Variants in ATXN7L1 observed in about 807,000 individuals in gnomAD.
ATXN7L1 encodes the protein ataxin 7 like 1.
ATXN7L1 carries 15 observed loss-of-function variants against 70.8 expected under a neutral mutation model. The observed-to-expected ratio is 0.21, with a 90% CI of 0.14 to 0.33. The LOEUF is 0.33. Ranked by LOEUF, ATXN7L1 falls within the 10% of genes least tolerant of loss-of-function variation. The pLI, the probability that ATXN7L1 is intolerant of heterozygous loss-of-function variation, is 1.00. For synonymous variants in ATXN7L1, 440 were observed against 445.1 expected, an observed-to-expected ratio of 0.99 and a Z score of 0.14; for missense variants, 975 against 1,097.1, an observed-to-expected ratio of 0.89 and a Z score of 1.57.
intron 2 of ATXN7L1, among the ~76,000 whole-genome samples, chr7:105,816,509 AC>A (rs1809215947): frequency 6.6e-6 from 1 of 152,216 alleles, no homozygotes; most frequent in African/African-American, 2.4e-5. Flanking sequence ...CAGATTCAGA[AC>A]CTATAAATGT....
chr7:105,733,482 C>CCATCCATCTGCCCATCCATCCATT (rs1554444246), intron 3 of ATXN7L1, among the ~76,000 whole-genome samples: 1 of 149,696 alleles, frequency 6.7e-6, no homozygotes, highest in African/African-American at 2.5e-5. Flanking sequence ...TCCAGGAGGT[C>CCATCCATCTGCCCATCCATCCATT]CATCCATCCA....
chr7:105,776,681 C>T (rs962060512), intron 3 of ATXN7L1, among the ~76,000 whole-genome samples: 7 of 152,136 alleles, frequency 4.6e-5, no homozygotes, highest in African/African-American at 1.7e-4. Context: ...ACCATATATG[C>T]TAATATTGGT....
intron 4 of ATXN7L1, among the ~76,000 whole-genome samples, chr7:105,649,856 G>A (rs1328406874): frequency 6.6e-6 from 1 of 152,160 alleles, no homozygotes; most frequent in Admixed American, 6.5e-5. Context: ...GTTCTCAGCT[G>A]TCTGATTTCC....
intron 2 of ATXN7L1, among the ~76,000 whole-genome samples, chr7:105,829,255 C>G (rs1811269604): frequency 6.7e-6 from 1 of 150,022 alleles, no homozygotes; most frequent in Non-Finnish European, 1.5e-5. Flanking sequence ...AACGCCATCT[C>G]TACTAAAAAT....
intron 3 of ATXN7L1, among the ~76,000 whole-genome samples, chr7:105,710,249 TTTAA>T (rs1358172923): frequency 2.6e-5 from 4 of 151,944 alleles, no homozygotes; most frequent in African/African-American, 9.7e-5. Flanking sequence ...AGAAAAGAGG[TTTAA>T]TTGACTCACA....
chr7:105,719,121 G>A (rs763564356), intron 3 of ATXN7L1, among the ~76,000 whole-genome samples: 1 of 152,210 alleles, frequency 6.6e-6, no homozygotes, highest in Non-Finnish European at 1.5e-5. Context: ...TTGTGAGCAG[G>A]AGCCGAAGAA....
chr7:105,693,219 G>A (rs1463997037), intron 3 of ATXN7L1, among the ~76,000 whole-genome samples: 2 of 150,806 alleles, frequency 1.3e-5, no homozygotes, highest in Non-Finnish European at 3.0e-5. Context: ...ATAGAGACAA[G>A]GTTTCTCTCT....
chr7:105,860,852 G>A (rs1816523063), intron 2 of ATXN7L1, among the ~76,000 whole-genome samples: 1 of 152,224 alleles, frequency 6.6e-6, no homozygotes, highest in Non-Finnish European at 1.5e-5. Flanking sequence ...TGATATGATC[G>A]CTTTTCCTCC....
Position 105,699,658 on chromosome 7 carries a change from A to G in ATXN7L1, c.356-34370T>C, listed in dbSNP as rs180855971. Among the ~76,000 whole-genome samples, 16 of 152,282 alleles carry G rather than the reference A, an allele frequency of 1.1e-4. No individual in the cohort carries two copies. The East Asian group carries it at 2.9e-3, about 28-fold the overall frequency. ...GATGAGACACAAGTTCCCAAAGATA[A>G]TACTTATCTTCACTACCTAAAAAGC... is the stretch of plus-strand genomic sequence containing the variant. On this transcript the variant is annotated intron_variant, in intron 3 of 11. Coordinates refer to ENST00000419735, the MANE Select transcript of ATXN7L1 (RefSeq NM_020725.2).
chr7:105,706,289 G>T (rs1212251819), intron 3 of ATXN7L1, among the ~76,000 whole-genome samples: 2 of 151,580 alleles, frequency 1.3e-5, no homozygotes, highest in Non-Finnish European at 2.9e-5. Flanking sequence ...TGCCTCCCGG[G>T]TTCAAGTGAT....
At chr7:105,627,275 C>T (rs930734560) in intron 7 of ATXN7L1, among the ~76,000 whole-genome samples, 7 of 152,246 alleles carry the variant, frequency 4.6e-5, no homozygotes, top group African/African-American at 1.4e-4. Context: ...TGCTCTGTCA[C>T]CCAGGCTGGA....
intron 2 of ATXN7L1, among the ~76,000 whole-genome samples, chr7:105,853,485 C>T (rs961105430): frequency 2.0e-5 from 3 of 151,970 alleles, no homozygotes; most frequent in East Asian, 1.9e-4. Flanking sequence ...ACCCGGGAGG[C>T]GGAGGTTGCA....
At chr7:105,740,161 C>T (rs1410034375) in intron 3 of ATXN7L1, among the ~76,000 whole-genome samples, 2 of 152,174 alleles carry the variant, frequency 1.3e-5, no homozygotes, top group African/African-American at 2.4e-5. Flanking sequence ...ATCTCTGAAT[C>T]AAGAACAAAG....
At position 105,607,794 on chromosome 7, in the gene ATXN7L1, C is replaced by A; in HGVS notation, c.*58G>T. 1.3e-6 allele frequency: 2 copies of A among 1,483,618 alleles called. No homozygotes were observed. The highest frequency in any genetic ancestry group is 3.9e-5 in the Admixed American group (2 of 50,908). 91.9% of individuals were successfully genotyped at this position (1,483,618 alleles called of 1,614,324 possible). A position where few individuals can be genotyped will look rare whatever the true frequency, so the allele number is the denominator to read the frequency against. On this transcript the variant is annotated 3_prime_UTR_variant, in exon 12 of 12. Transcript: ENST00000419735. Reference sequence around the variant, plus strand: ...CTCCCCTCCCTCCTCCTCCCCATGGCCTCCTCGGATGGGATTAGGTGGCCT... The same window carrying A: ...CTCCCCTCCCTCCTCCTCCCCATGGACTCCTCGGATGGGATTAGGTGGCCT...
chr7:105,850,325 A>G (rs1156633259), intron 2 of ATXN7L1, among the ~76,000 whole-genome samples: 1 of 152,112 alleles, frequency 6.6e-6, no homozygotes, highest in Non-Finnish European at 1.5e-5. Context: ...TCACCAGCAC[A>G]CTGTTCCCAC....
intron 7 of ATXN7L1, among the ~76,000 whole-genome samples, chr7:105,633,081 G>GA (rs1411400625): frequency 6.6e-6 from 1 of 152,036 alleles, no homozygotes; most frequent in Non-Finnish European, 1.5e-5. Flanking sequence ...ACAAGTCAAT[G>GA]AAAAAATGTC....
chr7:105,662,098 TTTC>T (rs1289048269), intron 4 of ATXN7L1, among the ~76,000 whole-genome samples: 1 of 144,794 alleles, frequency 6.9e-6, no homozygotes, highest in Non-Finnish European at 1.5e-5. Context: ...TTTCTTTTCT[TTTC>T]TTTTCTTTTT....
intron 10 of ATXN7L1, 22 bp downstream of exon 10, chr7:105,613,840 G>A: frequency 3.2e-6 from 5 of 1,551,788 alleles, no homozygotes; most frequent in Non-Finnish European, 4.4e-6. Flanking sequence ...GCCGGTGAAG[G>A]CGGTGCCAGG....
At chr7:105,732,278 T>A (rs1177595821) in intron 3 of ATXN7L1, among the ~76,000 whole-genome samples, 1 of 152,046 alleles carries the variant, frequency 6.6e-6, no homozygotes, top group Non-Finnish European at 1.5e-5. Flanking sequence ...CTGGGCGTGG[T>A]GGTGCGTGCC....
Sources: gnomAD v4.1 joint callset for allele counts (sites outside exome capture counted in the v4.1 genomes callset) on GRCh38, gnomAD v4.1.1 for gene constraint, MANE v1.5 for transcripts, NCBI Gene and HGNC (gene_info 2026-07-23, HGNC 2026-07-21) for gene names.